The following KLHDC10 variants were observed in gnomAD, a reference collection of about 807,000 sequenced individuals.
KLHDC10 encodes kelch domain-containing protein 10.
In KLHDC10, 24 loss-of-function variants were observed where a neutral mutation model predicts 56.1. The observed-to-expected ratio is 0.43, with a 90% CI of 0.31 to 0.60. The LOEUF is 0.60. KLHDC10 is among the 20% of genes least tolerant of loss of function. KLHDC10 has a pLI of 0.11. For missense variants in KLHDC10, 349 were observed against 567.0 expected, an observed-to-expected ratio of 0.62 and a Z score of 3.91; for synonymous variants, 188 against 207.1, an observed-to-expected ratio of 0.91 and a Z score of 0.79.
intron 1 of KLHDC10, among the ~76,000 whole-genome samples, chr7:130,077,957 A>G (rs969875079): frequency 6.6e-6 from 1 of 152,180 alleles, no homozygotes; most frequent in Non-Finnish European, 1.5e-5. Context: ...TAAGAATTCT[A>G]ATATTATCTA....
chr7:130,100,514 T>TA (rs1386765061), intron 2 of KLHDC10, among the ~76,000 whole-genome samples: 7 of 152,338 alleles, frequency 4.6e-5, no homozygotes, highest in Admixed American at 3.9e-4. Context: ...TAAAGTATTG[T>TA]AAAGGCCACT....
chr7:130,083,079 T>A (rs1795631086), intron 1 of KLHDC10, among the ~76,000 whole-genome samples: 1 of 152,216 alleles, frequency 6.6e-6, no homozygotes, highest in Non-Finnish European at 1.5e-5. Flanking sequence ...TCTGGCCTGT[T>A]TGCCAGCAGC....
intron 1 of KLHDC10, among the ~76,000 whole-genome samples, chr7:130,073,440 G>A (rs1456613932): frequency 6.6e-6 from 1 of 151,832 alleles, no homozygotes; most frequent in African/African-American, 2.4e-5. Context: ...GATTAGAGGT[G>A]CGGGCCACCA....
At chr7:130,105,908 G>A (rs943075569) in intron 2 of KLHDC10, among the ~76,000 whole-genome samples, 2 of 152,190 alleles carry the variant, frequency 1.3e-5, no homozygotes, top group Non-Finnish European at 2.9e-5. Flanking sequence ...CCAGCACTTT[G>A]GGAAGCCAAG....
chr7:130,083,929 C>T (rs1352888272), intron 1 of KLHDC10, among the ~76,000 whole-genome samples: 1 of 152,160 alleles, frequency 6.6e-6, no homozygotes, highest in Non-Finnish European at 1.5e-5. Flanking sequence ...AACTCTTTCC[C>T]TTCTACCAGG....
At chr7:130,088,707 A>G (rs1387538914) in intron 1 of KLHDC10, among the ~76,000 whole-genome samples, 1 of 143,572 alleles carries the variant, frequency 7.0e-6, no homozygotes, top group African/African-American at 2.6e-5. Context: ...CAGTGGCACA[A>G]TCTCGGCTCA....
At chr7:130,104,156 G>A (rs1795977143) in intron 2 of KLHDC10, among the ~76,000 whole-genome samples, 1 of 152,120 alleles carries the variant, frequency 6.6e-6, no homozygotes, top group Non-Finnish European at 1.5e-5. Flanking sequence ...CATCATAAAG[G>A]TCTTCATCCT....
intron 8 of KLHDC10, among the ~76,000 whole-genome samples, chr7:130,128,901 T>TAA (rs1796355225): frequency 9.2e-6 from 1 of 109,142 alleles, no homozygotes; most frequent in African/African-American, 3.5e-5. Flanking sequence ...TATATATATA[T>TAA]ATATATATAT....
chr7:130,101,363 A>G (rs1795926463), intron 2 of KLHDC10, among the ~76,000 whole-genome samples: 1 of 152,222 alleles, frequency 6.6e-6, no homozygotes, highest in Non-Finnish European at 1.5e-5. Flanking sequence ...ACAGAATAAA[A>G]TGCAACCCAG....
chr7:130,107,707 C>T (rs971723977), intron 2 of KLHDC10, among the ~76,000 whole-genome samples: 2 of 151,392 alleles, frequency 1.3e-5, no homozygotes, highest in Non-Finnish European at 2.9e-5. Flanking sequence ...AGCCGGGCGT[C>T]GTGGTGCACG....
intron 8 of KLHDC10, 91 bp downstream of exon 8, chr7:130,127,542 C>A: frequency 1.1e-6 from 1 of 880,628 alleles, no homozygotes; most frequent in Non-Finnish European, 1.8e-6. Context: ...TCAAAAGAGG[C>A]TCATAACTTT....
chr7:130,092,134 TC>T (rs1795783730), intron 1 of KLHDC10, among the ~76,000 whole-genome samples: 1 of 152,232 alleles, frequency 6.6e-6, no homozygotes, highest in African/African-American at 2.4e-5. Context: ...AATCTGTATG[TC>T]CATCCATATG....
intron 2 of KLHDC10, among the ~76,000 whole-genome samples, chr7:130,113,406 C>T (rs1452424812): frequency 2.6e-5 from 4 of 151,466 alleles, no homozygotes; most frequent in Non-Finnish European, 5.9e-5. Context: ...GATCTTGACT[C>T]ACTGCAACCT....
At chr7:130,088,009 C>T (rs1225027767) in intron 1 of KLHDC10, among the ~76,000 whole-genome samples, 3 of 152,122 alleles carry the variant, frequency 2.0e-5, no homozygotes, top group Admixed American at 6.6e-5. Flanking sequence ...GATCCACCTG[C>T]CTCGGCCTCA....
At chr7:130,126,677 A>AAAAT (rs150440726) in intron 7 of KLHDC10, among the ~76,000 whole-genome samples, 4,018 of 152,188 alleles carry the variant, frequency 0.026, 181 homozygotes, top group African/African-American at 0.092. Context: ...CTCTGTCAAA[A>AAAAT]AAATAAATAA....
intron 1 of KLHDC10, among the ~76,000 whole-genome samples, chr7:130,083,602 A>G (rs1795639292): frequency 6.6e-6 from 1 of 152,136 alleles, no homozygotes; most frequent in Non-Finnish European, 1.5e-5. Flanking sequence ...TTTAATCTAC[A>G]TAGCATTTTT....
chr7:130,127,735 G>A (rs1796332606), intron 8 of KLHDC10, among the ~76,000 whole-genome samples: 1 of 152,188 alleles, frequency 6.6e-6, no homozygotes, highest in African/African-American at 2.4e-5. Context: ...CTCAACAGAT[G>A]TCTGTGGTTA....
intron 2 of KLHDC10, among the ~76,000 whole-genome samples, chr7:130,113,395 C>T (rs1051117211): frequency 2.0e-5 from 3 of 151,470 alleles, no homozygotes; most frequent in Non-Finnish European, 4.4e-5. Flanking sequence ...TGCAGTGGCA[C>T]GATCTTGACT....
intron 1 of KLHDC10, among the ~76,000 whole-genome samples, chr7:130,077,365 A>AAC (rs1203268292): frequency 1.3e-5 from 2 of 148,322 alleles, no homozygotes; most frequent in African/African-American, 4.9e-5. Context: ...AAAAAAAAAA[A>AAC]AAAAAAAAAA....
Sources: gnomAD v4.1 joint callset for allele counts (sites outside exome capture counted in the v4.1 genomes callset) on GRCh38, gnomAD v4.1.1 for gene constraint, MANE v1.5 for transcripts, NCBI Gene and HGNC (gene_info 2026-07-23, HGNC 2026-07-21) for gene names.